The following GRTP1 variants were observed in gnomAD, a reference collection of about 807,000 sequenced individuals.
GRTP1 encodes growth hormone-regulated TBC protein 1.
Under a neutral mutation model 38.1 loss-of-function variants are expected in GRTP1, and 56 were observed. That is an observed-to-expected ratio of 1.47 (90% confidence interval 1.19 to 1.84). The LOEUF (loss-of-function observed/expected upper bound fraction) is 1.84, where lower values mean the gene tolerates loss of function less well. GRTP1 is among the 40% of genes most tolerant of loss of function. The pLI, the probability that GRTP1 is intolerant of heterozygous loss-of-function variation, is 0.00. For synonymous variants in GRTP1, 217 were observed against 189.5 expected (o/e 1.14, Z -1.19); for missense variants, 506 against 453.9 (o/e 1.11, Z -1.04).
Position 113,355,466 on chromosome 13 carries a change from C to T in GRTP1, c.197G>A (p.Arg66Gln). 6.2e-7 allele frequency: 1 copy of T among 1,611,798 alleles called. No homozygotes were observed. Among genetic ancestry groups the T allele is most frequent in the Non-Finnish European group, 8.5e-7 (1 of 1,178,482 alleles). The change falls in exon 3 of 8, where the codon CGG becomes CAG. Residue 66 changes from arginine to glutamine, a missense_variant. Transcript: ENST00000375431. ...PRSRTVKRYV[R>Q]KGVPLEHRAR... ...ACGGTGCTCCAGCGGGACCCCTTTC[C>T]GGACATAGCGCTTCACTGAAGGCCG... is the stretch of plus-strand genomic sequence containing the variant.
At position 113,324,329 on chromosome 13, in the gene GRTP1, C is replaced by T. The variant is rs1042453041; in HGVS notation, c.*159G>A. 10 of 1,124,072 alleles carry T rather than the reference C, an allele frequency of 8.9e-6. No individual in the cohort carries two copies. The African/African-American group carries it at 1.5e-4, about 16-fold the overall frequency. The allele number at this position is 1,124,072 out of a possible 1,614,324, so 69.6% of individuals were successfully genotyped here. On this transcript the variant is annotated 3_prime_UTR_variant, in exon 8 of 8. Transcript: ENST00000375431. ...TAATCATCAAAAGCTGGTAGAATGA[C>T]CTGATTTTAAACTGCTCTTTTAAAA...
chr13:113,339,237 T>C (rs1172974846), intron 5 of GRTP1, among the ~76,000 whole-genome samples: 2 of 152,134 alleles, frequency 1.3e-5, no homozygotes, highest in Non-Finnish European at 2.9e-5. Flanking sequence ...TTTTAGAAAT[T>C]CACACACAGT....
At chr13:113,346,523 A>T (rs1226817250) in intron 4 of GRTP1, among the ~76,000 whole-genome samples, 271 of 10,620 alleles carry the variant, frequency 0.026, 74 homozygotes, top group African/African-American at 0.026. Context: ...TGTGGCAAAG[A>T]GCAGACCCGG....
In GRTP1 at chr13:113,352,336, T is replaced by A. The variant is rs1375660941; in HGVS notation, c.341-1363A>T. Among the ~76,000 whole-genome samples the A allele has an allele frequency of 1.3e-4, 11 of 87,132 alleles. No individual in the cohort carries two copies. In the East Asian group the frequency reaches 4.1e-3, roughly 32 times the overall value. The allele number at this position is 87,132 out of a possible 152,430, so 57.2% of individuals were successfully genotyped here. The stretch of plus-strand genomic sequence containing the variant: ...ATTTTATATATATTTTTATATATAT[T>A]TTATATATATATTTATATATATTTT... On this transcript the variant is annotated intron_variant, in intron 3 of 7. Coordinates refer to ENST00000375431, the MANE Select transcript of GRTP1 (RefSeq NM_024719.4).
chr13:113,353,274 C>T (rs2043318990), intron 3 of GRTP1, among the ~76,000 whole-genome samples: 1 of 152,256 alleles, frequency 6.6e-6, no homozygotes, highest in Non-Finnish European at 1.5e-5. Context: ...TAGGAACCCA[C>T]AGCTGAAAGC....
At position 113,344,973 on chromosome 13, in the gene GRTP1, A is replaced by C; in HGVS notation, c.466-14T>G. 1.9e-6 allele frequency: 3 copies of C among 1,588,258 alleles called. No individual in the cohort carries two copies. The highest frequency in any genetic ancestry group is 2.6e-6 in the Non-Finnish European group (3 of 1,173,996). ...AAAATTCATTCCCTGAAATTAGAAA[A>C]ATGAGAAACAAATTCACATTGAGTT... On this transcript the variant is annotated splice_polypyrimidine_tract_variant and intron_variant, in intron 4 of 7. Coordinates refer to ENST00000375431, the MANE Select transcript of GRTP1 (RefSeq NM_024719.4).
intron 5 of GRTP1, among the ~76,000 whole-genome samples, chr13:113,336,043 C>T (rs1397631723): frequency 6.6e-6 from 1 of 152,186 alleles, no homozygotes; most frequent in Non-Finnish European, 1.5e-5. Flanking sequence ...CCACCCGCCT[C>T]GGCCTCACAA....
At chr13:113,329,563 AAC>A (rs2042827357) in intron 5 of GRTP1, among the ~76,000 whole-genome samples, 1 of 152,200 alleles carries the variant, frequency 6.6e-6, no homozygotes, top group Non-Finnish European at 1.5e-5. Flanking sequence ...CAGCCTGGGC[AAC>A]AGAGTGAAAC....
intron 5 of GRTP1, among the ~76,000 whole-genome samples, chr13:113,326,303 C>T (rs972669713): frequency 7.0e-6 from 1 of 142,146 alleles, no homozygotes; most frequent in African/African-American, 2.5e-5. Flanking sequence ...CAGGACGTCC[C>T]TGAGGCTGGA....
intron 5 of GRTP1, among the ~76,000 whole-genome samples, chr13:113,327,333 C>G (rs984210730): frequency 1.7e-4 from 26 of 152,188 alleles, no homozygotes; most frequent in African/African-American, 5.8e-4. Flanking sequence ...TGCTCACCAC[C>G]ACGCCCAAGC....
At chr13:113,352,298 ATAT>A (rs1250570607) in intron 3 of GRTP1, among the ~76,000 whole-genome samples, 265 of 63,286 alleles carry the variant, frequency 4.2e-3, no homozygotes, top group Non-Finnish European at 6.2e-3. Context: ...ATATTTATAT[ATAT>A]TTTATATATA....
chr13:113,329,013 G>A (rs74115840), intron 5 of GRTP1, among the ~76,000 whole-genome samples: 246 of 152,360 alleles, frequency 1.6e-3, no homozygotes, highest in African/African-American at 5.7e-3. Context: ...GTAGCAGGCT[G>A]CCCAGGATGG....
chr13:113,364,046 C>A lies in GRTP1; in HGVS notation c.6G>T (p.Gln2His). The A allele has an allele frequency of 6.2e-6, 8 of 1,289,852 alleles. No individual in the cohort carries two copies. The highest frequency in any genetic ancestry group is 6.8e-6 in the Non-Finnish European group (7 of 1,024,050). 79.9% of individuals were successfully genotyped at this position (1,289,852 alleles called of 1,614,324 possible). A position where few individuals can be genotyped will look rare whatever the true frequency, so the allele number is the denominator to read the frequency against. The change falls in exon 1 of 8, where the codon CAG becomes CAT. Residue 2 changes from glutamine to histidine, a missense_variant. Transcript: ENST00000375431. The stretch of plus-strand genomic sequence containing the variant: ...TGGGGACCCGCGAGCGCTCGGCGGG[C>A]TGCATGCGGGGAGGGAGGCGCGCAC... Reference protein sequence around the residue: MQPAERSRVPRI... With the variant: MHPAERSRVPRI...
chr13:113,344,705 T>A (rs796073241), intron 5 of GRTP1, among the ~76,000 whole-genome samples, 158 bp downstream of exon 5: 96 of 79,214 alleles, frequency 1.2e-3, no homozygotes, highest in African/African-American at 4.6e-3. Flanking sequence ...AGAGCGAGAC[T>A]CCGTCTCAAA....
rs1566440722 is a variant in GRTP1, at chr13:113,355,406, GCCTGGGCCCCACTCAGCA to G, written c.239_256del (p.Val80_Gln85del). 1 of 1,614,082 alleles carries G rather than the reference GCCTGGGCCCCACTCAGCA, an allele frequency of 6.2e-7. No individual in the cohort carries two copies. ...GTAGCCGGGATTCTGGTCCATCTGC[GCCTGGGCCCCACTCAGCA>G]CCATCCAGACGCGGGCACGGTGCTC... On this transcript the variant is annotated inframe_deletion, in exon 3 of 8. Transcript: ENST00000375431.
At chr13:113,346,875 C>G (rs373052051) in intron 4 of GRTP1, among the ~76,000 whole-genome samples, 9 of 502 alleles carry the variant, frequency 0.018, no homozygotes, top group African/African-American at 0.021. Flanking sequence ...GACCTCTGTG[C>G]CTGACAGTGG....
In GRTP1 at chr13:113,349,602, A is replaced by G. The variant is rs9577516; in HGVS notation, c.465+1247T>C. Among the ~76,000 whole-genome samples the G allele has an allele frequency of 0.99, 151,020 of 152,348 alleles. 74,862 individuals carry two copies. Among genetic ancestry groups the G allele is most frequent in the Middle Eastern group, 1 (294 of 294 alleles). ...CAGCTTCACCCGACACGGCACTGCC[A>G]GCCAGCTACAGAGCCACACACGCAC... On this transcript the variant is annotated intron_variant, in intron 4 of 7. Transcript: ENST00000375431. The surrounding 1 kb of genome is among the most constrained non-coding windows in gnomAD (Gnocchi z 5.0).
In GRTP1 at chr13:113,350,873, A is replaced by G. The variant is rs770959053; in HGVS notation, c.441T>C (p.His147=). The change falls in exon 4 of 8, where the codon CAT becomes CAC. Residue 147 remains histidine, a synonymous_variant. Coordinates refer to ENST00000375431, the MANE Select transcript of GRTP1 (RefSeq NM_024719.4). ...CCTGGCAGTAGCCCACTCCCTGGTT[A>G]TGGTGCCCATATGCCAGCAGCACAT... ...LYNVLLAYGH[H]NQGVGYCQGM... is the part of the protein sequence containing the mutation. 5.0e-6 allele frequency: 8 copies of G among 1,584,482 alleles called. No homozygotes were observed. Among genetic ancestry groups the G allele is most frequent in the Non-Finnish European group, 6.9e-6 (8 of 1,158,128 alleles).
At chr13:113,335,333 G>A (rs2042940382) in intron 5 of GRTP1, among the ~76,000 whole-genome samples, 1 of 151,614 alleles carries the variant, frequency 6.6e-6, no homozygotes, top group Admixed American at 6.6e-5. Flanking sequence ...TGAGGCAGGA[G>A]AATCGCTTGA....
Sources: allele counts gnomAD v4.1 joint callset (sites outside exome capture counted in the v4.1 genomes callset), GRCh38; gene constraint gnomAD v4.1.1; non-coding constraint Gnocchi (gnomAD v3.1); transcripts MANE v1.5; gene names NCBI Gene and HGNC (gene_info 2026-07-23, HGNC 2026-07-21).